The following XIRP2 variants were observed in gnomAD, a reference collection of about 807,000 sequenced individuals.
The protein encoded by XIRP2 is xin actin-binding repeat-containing protein 2.
A neutral mutation model predicts 277.0 loss-of-function variants in XIRP2; 236 were observed. That is an observed-to-expected ratio of 0.85 (90% CI 0.77 to 0.95). The LOEUF (loss-of-function observed/expected upper bound fraction) is 0.95, where lower values mean the gene tolerates loss of function less well. Ranked by LOEUF, XIRP2 falls within the 40% of genes least tolerant of loss-of-function variation. The pLI, the probability that XIRP2 is intolerant of heterozygous loss-of-function variation, is 0.00. For synonymous variants in XIRP2, 1,490 were observed against 1,416.5 expected (o/e 1.05, Z -1.17); for missense variants, 4,640 against 4,157.5 (o/e 1.12, Z -3.19).
chr2:167,090,625 G>C (rs972046118), intron 2 of XIRP2, among the ~76,000 whole-genome samples: 4 of 152,126 alleles, frequency 2.6e-5, no homozygotes, highest in South Asian at 2.1e-4. Context: ...TGTTTTGCAG[G>C]CTGAGAAGCC....
intron 2 of XIRP2, among the ~76,000 whole-genome samples, chr2:166,988,708 G>A (rs13032178): frequency 0.012 from 1,130 of 91,966 alleles, 22 homozygotes; most frequent in Non-Finnish European, 0.012. Context: ...GGTGACGGAC[G>A]CACCTGGAAA....
chr2:166,982,343 T>G, intron 2 of XIRP2, among the ~76,000 whole-genome samples: 1 of 151,062 alleles, frequency 6.6e-6, no homozygotes, highest in East Asian at 1.9e-4. Flanking sequence ...AAAAACAGTC[T>G]GGGTTAATAT....
chr2:166,994,643 T>C (rs1386739389), intron 2 of XIRP2, among the ~76,000 whole-genome samples: 4 of 150,646 alleles, frequency 2.7e-5, no homozygotes, highest in South Asian at 4.2e-4. Context: ...CATTCTTCAA[T>C]TGCAGTGTAA....
chr2:167,207,843 CTTG>C (rs1232799281), intron 3 of XIRP2, among the ~76,000 whole-genome samples: 2 of 151,920 alleles, frequency 1.3e-5, no homozygotes, highest in African/African-American at 4.8e-5. Flanking sequence ...CATTCTTATC[CTTG>C]TTATCTAATA....
chr2:167,164,445 CAAA>C (rs36066566), intron 3 of XIRP2, among the ~76,000 whole-genome samples: 5,822 of 44,598 alleles, frequency 0.13, 33 homozygotes, highest in South Asian at 0.22. Context: ...GACTCCGTCT[CAAA>C]AAAAAAAAAA....
chr2:167,022,996 T>C (rs1184956432), intron 2 of XIRP2, among the ~76,000 whole-genome samples: 1 of 152,126 alleles, frequency 6.6e-6, no homozygotes, highest in African/African-American at 2.4e-5. Context: ...GGTCAAATGG[T>C]ATTTCTAGTT....
rs1441328823 is a variant in XIRP2 at position 166,985,593 on chromosome 2, G to T, written c.408+81703G>T. Reference sequence around the variant, plus strand: ...CTACAGGCACCTGCCACCATGCCCAGCTAATTTTTGGTATTTTTAGTAGAG... The same window carrying T: ...CTACAGGCACCTGCCACCATGCCCATCTAATTTTTGGTATTTTTAGTAGAG... On this transcript the variant is annotated intron_variant, in intron 2 of 10. Coordinates refer to ENST00000409195, the MANE Select transcript of XIRP2 (RefSeq NM_152381.6). Among the ~76,000 whole-genome samples, 3 of 151,968 alleles carry T rather than the reference G, an allele frequency of 2.0e-5. No homozygotes were observed. In the South Asian group the frequency reaches 6.2e-4, roughly 32 times the overall value.
At chr2:166,891,066 A>G (rs1241330451) in intron 1 of XIRP2, among the ~76,000 whole-genome samples, 1 of 152,166 alleles carries the variant, frequency 6.6e-6, no homozygotes, top group Admixed American at 6.6e-5. Flanking sequence ...TATGTCCATC[A>G]TGCTTGATGT....
At chr2:167,008,668 A>G (rs994819934) in intron 2 of XIRP2, among the ~76,000 whole-genome samples, 4 of 151,742 alleles carry the variant, frequency 2.6e-5, no homozygotes, top group African/African-American at 9.7e-5. Flanking sequence ...CATTGTTGAC[A>G]TATACAACTG....
chr2:166,936,274 G>A (rs7423838), intron 2 of XIRP2, among the ~76,000 whole-genome samples: 11,020 of 151,832 alleles, frequency 0.073, 777 homozygotes, highest in East Asian at 0.45. Context: ...TTTTTTTCTT[G>A]TAAATTTGTT....
intron 2 of XIRP2, among the ~76,000 whole-genome samples, chr2:166,924,898 C>A (rs1685143489): frequency 2.0e-5 from 3 of 152,030 alleles, no homozygotes; most frequent in Non-Finnish European, 4.4e-5. Context: ...ATGTTAATTT[C>A]TTTAACGCAA....
At chr2:167,168,033 C>A (rs1018341880) in intron 3 of XIRP2, among the ~76,000 whole-genome samples, 4 of 152,102 alleles carry the variant, frequency 2.6e-5, no homozygotes, top group African/African-American at 9.7e-5. Flanking sequence ...CCTCTCAACA[C>A]TTGTATATTT....
At chr2:167,037,901 TTC>T (rs1688556064) in intron 2 of XIRP2, among the ~76,000 whole-genome samples, 1 of 152,008 alleles carries the variant, frequency 6.6e-6, no homozygotes, top group Non-Finnish European at 1.5e-5. Context: ...TATTGATAAT[TTC>T]TTTTTAATAA....
intron 2 of XIRP2, among the ~76,000 whole-genome samples, chr2:167,128,613 C>T (rs1307589325): frequency 6.6e-6 from 1 of 152,120 alleles, no homozygotes; most frequent in African/African-American, 2.4e-5. Context: ...GTTTTTCACA[C>T]AGCTGACAGA....
intron 2 of XIRP2, among the ~76,000 whole-genome samples, chr2:166,947,863 AC>A (rs1685921056): frequency 6.6e-6 from 1 of 152,150 alleles, no homozygotes; most frequent in East Asian, 1.9e-4. Context: ...TAAATATGTA[AC>A]TTCAGTAAGT....
intron 2 of XIRP2, among the ~76,000 whole-genome samples, chr2:167,123,741 TG>T (rs1691123097): frequency 6.6e-6 from 1 of 152,174 alleles, no homozygotes; most frequent in Non-Finnish European, 1.5e-5. Flanking sequence ...CCAGTCAGAC[TG>T]CTTTCTTTTT....
intron 10 of XIRP2, among the ~76,000 whole-genome samples, chr2:167,256,214 T>C (rs1327135797): frequency 6.6e-6 from 1 of 151,634 alleles, no homozygotes; most frequent in African/African-American, 2.4e-5. Flanking sequence ...TTTTATTATA[T>C]AGTTTTTTCT....
At chr2:167,195,493 G>A (rs1693473079) in intron 3 of XIRP2, among the ~76,000 whole-genome samples, 1 of 152,150 alleles carries the variant, frequency 6.6e-6, no homozygotes, top group South Asian at 2.1e-4. Flanking sequence ...AGCATGTCCT[G>A]CACAGCAGCC....
Position 167,051,117 on chromosome 2 carries a change from G to C in XIRP2, c.409-84792G>C, listed in dbSNP as rs375728107. Among the ~76,000 whole-genome samples, 3 of 152,016 alleles carry C rather than the reference G, an allele frequency of 2.0e-5. No homozygotes were observed. In the South Asian group the frequency reaches 6.2e-4, roughly 32 times the overall value. On this transcript the variant is annotated intron_variant, in intron 2 of 10. Transcript: ENST00000409195. ...GTTCATTTCCCTTCATCTTCCCCTA[G>C]CACTCCTTTAAATCCCAATCCAAAT...
Sources: allele counts gnomAD v4.1 joint callset (sites outside exome capture counted in the v4.1 genomes callset), GRCh38; gene constraint gnomAD v4.1.1; transcripts MANE v1.5; gene names NCBI Gene and HGNC (gene_info 2026-07-23, HGNC 2026-07-21).